C1orf52: variants seen among roughly 807,000 people sequenced by gnomAD.
The protein encoded by C1orf52 is UPF0690 protein C1orf52.
In C1orf52, 5 loss-of-function variants were observed where a neutral mutation model predicts 17.2. The observed-to-expected ratio is 0.29, with a 90% CI of 0.15 to 0.61. The LOEUF (loss-of-function observed/expected upper bound fraction) is 0.61. Ranked by LOEUF, C1orf52 falls within the 20% of genes least tolerant of loss-of-function variation. C1orf52 has a pLI of 0.85. For synonymous variants in C1orf52, 110 were observed against 88.0 expected (o/e 1.25, Z -1.40); for missense variants, 245 against 234.1 (o/e 1.05, Z -0.30).
At chr1:85,257,571 T>C in intron 2 of C1orf52, 3 of 676,596 alleles carry the variant, frequency 4.4e-6, no homozygotes, top group Non-Finnish European at 8.1e-6. Context: ...GCAGGCAAGT[T>C]ATATAATCAG....
intron 2 of C1orf52, among the ~76,000 whole-genome samples, chr1:85,257,635 A>G (rs17382844): frequency 0.16 from 24,585 of 152,228 alleles, 2,299 homozygotes; most frequent in Middle Eastern, 0.22. Flanking sequence ...TACAGATTGG[A>G]TAAGAATGTG....
intron 2 of C1orf52, among the ~76,000 whole-genome samples, chr1:85,253,281 T>A (rs893499296): frequency 4.6e-5 from 7 of 152,206 alleles, no homozygotes; most frequent in African/African-American, 1.7e-4. Context: ...AGCATATTGT[T>A]TTCTTTTTAC....
At chr1:85,257,452 G>A in intron 2 of C1orf52, 1 of 717,352 alleles carries the variant, frequency 1.4e-6, no homozygotes, top group Non-Finnish European at 2.6e-6. Flanking sequence ...TTCAGTTCTG[G>A]ATTTCAAGAT....
chr1:85,257,055 C>T (rs1333808447), intron 2 of C1orf52, among the ~76,000 whole-genome samples: 2 of 152,180 alleles, frequency 1.3e-5, no homozygotes, highest in African/African-American at 4.8e-5. Flanking sequence ...TAAAAACGGG[C>T]TAAGTAGCCC....
intron 1 of C1orf52, 190 bp from the exon 2 acceptor site, chr1:85,258,912 T>C: frequency 7.0e-7 from 1 of 1,427,162 alleles, no homozygotes; most frequent in Non-Finnish European, 9.1e-7. Context: ...CCTATATGAA[T>C]AAAGCTAATA....
At chr1:85,255,177 G>C (rs1446580939) in intron 2 of C1orf52, among the ~76,000 whole-genome samples, 2 of 152,084 alleles carry the variant, frequency 1.3e-5, no homozygotes, top group African/African-American at 4.8e-5. Flanking sequence ...TATTAATTAT[G>C]CTTTTACAAT....
chr1:85,258,561 A>G lies in C1orf52; in HGVS notation c.438T>C (p.Ala146=). 1 of 1,614,170 alleles carries G rather than the reference A, an allele frequency of 6.2e-7. No individual in the cohort carries two copies. The highest frequency in any genetic ancestry group is 8.5e-7 in the Non-Finnish European group (1 of 1,180,006). Residue 146 remains alanine, a synonymous_variant, in exon 2 of 3, where the codon GCT becomes GCC. Transcript: ENST00000471115. ...TCTCCTCCCCTTCTGGTAGAAGCCTAGCTTTCTTAGCATTCTGTGGAGCAT... is the reference window on the plus strand; with the variant it reads ...TCTCCTCCCCTTCTGGTAGAAGCCTGGCTTTCTTAGCATTCTGTGGAGCAT... ...GDDAPQNAKK[A]RLLPEGEETL... is the part of the protein sequence containing the mutation.
In C1orf52 at chr1:85,259,615, C is replaced by A. The variant is rs985957592; in HGVS notation, c.19G>T (p.Asp7Tyr). MAAEEK[D>Y]PLSYFAAYGS... is the part of the protein sequence containing the mutation. ...TATGCCGCAAAATAGCTCAGAGGGT[C>A]CTTCTCCTCCGCTGCCATGACGGCT... Residue 7 changes from aspartate to tyrosine, a missense_variant, in exon 1 of 3, where the codon GAC becomes TAC. By Grantham distance (160) the Asp-to-Tyr change is radical (BLOSUM62 -3). Coordinates refer to ENST00000471115, the MANE Select transcript of C1orf52 (RefSeq NM_198077.4). 10 of 1,565,632 alleles carry A rather than the reference C, an allele frequency of 6.4e-6. No homozygotes were observed. Among genetic ancestry groups the A allele is most frequent in the Non-Finnish European group, 8.7e-6 (10 of 1,155,238 alleles).
Position 85,258,529 on chromosome 1 carries a change from TC to T in C1orf52, c.469del (p.Glu157AsnfsTer16). The T allele has an allele frequency of 6.2e-7, 1 of 1,613,304 alleles. No individual in the cohort carries two copies. The highest frequency in any genetic ancestry group is 8.5e-7 in the Non-Finnish European group (1 of 1,179,638). On this transcript the variant is annotated frameshift_variant, in exon 2 of 3. Coordinates refer to ENST00000471115, the MANE Select transcript of C1orf52 (RefSeq NM_198077.4). LOFTEE classifies it high-confidence loss of function. ...RLLPEGEETL[E>X]SDDEKDEHTS... Reference sequence around the variant, plus strand: ...CGGATTCTGACTTTCCTTACCTGATTCCAACGTCTCCTCCCCTTCTGGTAGA... The same window carrying T: ...CGGATTCTGACTTTCCTTACCTGATTCAACGTCTCCTCCCCTTCTGGTAGA...
chr1:85,258,014 G>A (rs1659988535), intron 2 of C1orf52, among the ~76,000 whole-genome samples: 1 of 152,056 alleles, frequency 6.6e-6, no homozygotes, highest in Non-Finnish European at 1.5e-5. Flanking sequence ...CAGCTACTTG[G>A]AGGCTGAGGC....
At chr1:85,258,382 A>T in intron 2 of C1orf52, 142 bp downstream of exon 2, 2 of 812,776 alleles carry the variant, frequency 2.5e-6, no homozygotes, top group Non-Finnish European at 3.9e-6. Context: ...TCTTTCTCAA[A>T]AGCAGAGCAG....
In C1orf52 at chr1:85,257,612, C is replaced by T. The variant is rs76197751; in HGVS notation, c.475+912G>A. On this transcript the variant is annotated intron_variant, in intron 2 of 2. Transcript: ENST00000471115. ...ACTTTTAGAAACTCAACACTAGCTG[C>T]AGTGAAGGATGGTACAGATTGGATA... The T allele has an allele frequency of 1.4e-5, 9 of 639,814 alleles. No individual in the cohort carries two copies. In the African/African-American group the frequency reaches 1.6e-4, roughly 12 times the overall value. 39.6% of individuals were successfully genotyped at this position (639,814 alleles called of 1,614,324 possible).
In C1orf52 at chr1:85,252,482, G is replaced by T; in HGVS notation, c.*147C>A. On this transcript the variant is annotated 3_prime_UTR_variant, in exon 3 of 3. Coordinates refer to ENST00000471115, the MANE Select transcript of C1orf52 (RefSeq NM_198077.4). ...TTTTAAATAAAAAAAGAATTCTATAGTGGAAAGTTCTTGAGGCAATACTTA... is the reference window on the plus strand; with the variant it reads ...TTTTAAATAAAAAAAGAATTCTATATTGGAAAGTTCTTGAGGCAATACTTA... The T allele has an allele frequency of 1.6e-6, 1 of 626,232 alleles. No homozygotes were observed. Among genetic ancestry groups the T allele is most frequent in the Non-Finnish European group, 2.8e-6 (1 of 359,628 alleles). 38.8% of individuals were successfully genotyped at this position (626,232 alleles called of 1,614,324 possible). A position where few individuals can be genotyped will look rare whatever the true frequency, so the allele number is the denominator to read the frequency against.
rs1659773033 is a variant in C1orf52, at chr1:85,250,411, G to A, written c.*2218C>T. On this transcript the variant is annotated 3_prime_UTR_variant, in exon 3 of 3. Transcript: ENST00000471115. ...ACTTTTCCCCACTAGGTTTCCACTA[G>A]CTCAACCAAACTTCACCTCAGTACC... is the stretch of plus-strand genomic sequence containing the variant. 6.6e-6 allele frequency: 1 copy of A among 152,194 alleles called. No homozygotes were observed. Among genetic ancestry groups the A allele is most frequent in the Non-Finnish European group, 1.5e-5 (1 of 68,044 alleles). The allele number at this position is 152,194 out of a possible 1,614,324, so 9.4% of individuals were successfully genotyped here.
intron 1 of C1orf52, 100 bp from the exon 2 acceptor site, chr1:85,258,822 G>A (rs2100735349): frequency 5.0e-6 from 7 of 1,410,618 alleles, no homozygotes; most frequent in African/African-American, 2.9e-5. Flanking sequence ...CGTTCAGGCT[G>A]ACTTTTTTTT....
At position 85,250,771 on chromosome 1, in the gene C1orf52, CACA is replaced by C. The variant is rs1379031232; in HGVS notation, c.*1855_*1857del. 1 of 152,210 alleles carries C rather than the reference CACA, an allele frequency of 6.6e-6. No individual in the cohort carries two copies. Among genetic ancestry groups the C allele is most frequent in the Non-Finnish European group, 1.5e-5 (1 of 68,048 alleles). The allele number at this position is 152,210 out of a possible 1,614,324, so 9.4% of individuals were successfully genotyped here. On this transcript the variant is annotated 3_prime_UTR_variant, in exon 3 of 3. Coordinates refer to ENST00000471115, the MANE Select transcript of C1orf52 (RefSeq NM_198077.4). ...TTAGATTTCTCCAGAGCTTGGGAAT[CACA>C]ACTTCACAAATATAACTTGATTTGG...
intron 2 of C1orf52, among the ~76,000 whole-genome samples, chr1:85,257,689 T>C (rs1281579463): frequency 6.6e-6 from 1 of 152,240 alleles, no homozygotes. Flanking sequence ...GACGAAATTA[T>C]GCTATTATGA....
intron 1 of C1orf52, 76 bp from the exon 2 acceptor site, chr1:85,258,798 T>A: frequency 7.0e-7 from 1 of 1,429,246 alleles, no homozygotes; most frequent in Non-Finnish European, 9.2e-7. Flanking sequence ...TGCAACTCCC[T>A]GCCGTTCGCT....
chr1:85,256,145 G>A (rs1659931503), intron 2 of C1orf52, among the ~76,000 whole-genome samples: 2 of 152,152 alleles, frequency 1.3e-5, no homozygotes, highest in South Asian at 2.1e-4. Flanking sequence ...GTTGAGAAAT[G>A]GCTATTCATC....
Sources: allele counts gnomAD v4.1 joint callset (sites outside exome capture counted in the v4.1 genomes callset), GRCh38; gene constraint gnomAD v4.1.1; transcripts MANE v1.5; gene names NCBI Gene and HGNC (gene_info 2026-07-23, HGNC 2026-07-21).